The following TSPAN18 variants were observed in gnomAD, a reference collection of about 807,000 sequenced individuals.
TSPAN18 encodes the protein tetraspanin 18.
TSPAN18 carries 14 observed loss-of-function variants against 27.3 expected under a neutral mutation model. The observed-to-expected ratio is 0.51, with a 90% CI of 0.34 to 0.80. TSPAN18 has a LOEUF of 0.80. Among genes scored for constraint, TSPAN18 ranks in the 30% least tolerant of loss-of-function variants. The pLI is 0.01. For synonymous variants in TSPAN18, 143 were observed against 136.5 expected, an observed-to-expected ratio of 1.05 and a Z score of -0.33; for missense variants, 268 against 323.9, an observed-to-expected ratio of 0.83 and a Z score of 1.32.
At position 44,926,670 on chromosome 11, in the gene TSPAN18, C is replaced by A; in HGVS notation, c.616-4C>A. On this transcript the variant is annotated splice_polypyrimidine_tract_variant and splice_region_variant and intron_variant, in intron 8 of 9. Coordinates refer to ENST00000520358, the MANE Select transcript of TSPAN18 (RefSeq NM_130783.5). ...TAGCTTGACCTCTCATCCCTCCCTCCCAGGGCTGTTACACGGTGATCCTCA... is the reference window on the plus strand; with the variant it reads ...TAGCTTGACCTCTCATCCCTCCCTCACAGGGCTGTTACACGGTGATCCTCA... The A allele has an allele frequency of 6.2e-7, 1 of 1,614,070 alleles. No individual in the cohort carries two copies. Among genetic ancestry groups the A allele is most frequent in the Non-Finnish European group, 8.5e-7 (1 of 1,179,938 alleles).
intron 3 of TSPAN18, among the ~76,000 whole-genome samples, chr11:44,904,614 AAAAC>A (rs566942983): frequency 6.6e-6 from 1 of 152,218 alleles, no homozygotes; most frequent in African/African-American, 2.4e-5. Flanking sequence ...AATGCACTTA[AAAAC>A]AAACAAACAA....
intron 2 of TSPAN18, among the ~76,000 whole-genome samples, chr11:44,805,482 C>A (rs1856572309): frequency 6.6e-6 from 1 of 152,174 alleles, no homozygotes; most frequent in South Asian, 2.1e-4. Context: ...TTCCAGGAAG[C>A]CCGTGTTCCT....
At chr11:44,806,041 CTTTT>C (rs34132755) in intron 2 of TSPAN18, among the ~76,000 whole-genome samples, 1 of 134,516 alleles carries the variant, frequency 7.4e-6, no homozygotes, top group Non-Finnish European at 1.6e-5. Flanking sequence ...CTATTTTTTC[CTTTT>C]TTTTTTTTTT....
At chr11:44,763,425 G>A (rs141819706) in intron 1 of TSPAN18, among the ~76,000 whole-genome samples, 313 of 152,250 alleles carry the variant, frequency 2.1e-3, no homozygotes, top group Non-Finnish European at 3.7e-3. Flanking sequence ...CAGAAGGGAA[G>A]GGTTGGAGAG....
intron 3 of TSPAN18, among the ~76,000 whole-genome samples, chr11:44,865,853 C>G (rs746075559): frequency 1.3e-5 from 2 of 152,186 alleles, no homozygotes; most frequent in Non-Finnish European, 2.9e-5. Context: ...GGCAGCCTGG[C>G]TTCCCCAGCA....
intron 7 of TSPAN18, 24 bp from the exon 8 acceptor site, chr11:44,919,793 A>T (rs200725507): frequency 1.2e-6 from 2 of 1,612,992 alleles, no homozygotes; most frequent in Non-Finnish European, 1.7e-6. Flanking sequence ...GCCCACCAGA[A>T]CCTTCTCTGG....
intron 2 of TSPAN18, among the ~76,000 whole-genome samples, chr11:44,811,644 T>C (rs563374837): frequency 1.2e-4 from 18 of 152,020 alleles, no homozygotes; most frequent in African/African-American, 3.9e-4. Context: ...GTATTTTTGA[T>C]AGAGATAGGG....
At chr11:44,812,685 G>A (rs1000830941) in intron 2 of TSPAN18, among the ~76,000 whole-genome samples, 1 of 152,112 alleles carries the variant, frequency 6.6e-6, no homozygotes, top group Non-Finnish European at 1.5e-5. Flanking sequence ...GGGTGCCAGG[G>A]ATCATTAAGG....
chr11:44,785,877 C>G (rs1005970159), intron 2 of TSPAN18, among the ~76,000 whole-genome samples: 1 of 152,214 alleles, frequency 6.6e-6, no homozygotes, highest in African/African-American at 2.4e-5. Context: ...CACAAACTTG[C>G]TGGCAGAGGG....
intron 2 of TSPAN18, among the ~76,000 whole-genome samples, chr11:44,840,907 C>T (rs1857358885): frequency 6.6e-6 from 1 of 152,162 alleles, no homozygotes; most frequent in South Asian, 2.1e-4. Flanking sequence ...GCCTCAGTTT[C>T]CTCCTTGTCT....
At chr11:44,906,168 G>A (rs868013452) in intron 3 of TSPAN18, among the ~76,000 whole-genome samples, 1 of 152,240 alleles carries the variant, frequency 6.6e-6, no homozygotes, top group Admixed American at 6.5e-5. Flanking sequence ...TAAAGTCAGA[G>A]AGAGCAAGAC....
chr11:44,736,250 G>C (rs1230844735), intron 1 of TSPAN18: 2 of 152,174 alleles, frequency 1.3e-5, no homozygotes, highest in Non-Finnish European at 2.9e-5. Flanking sequence ...CTAAGTGTTT[G>C]CCAGTCGTGT....
intron 3 of TSPAN18, among the ~76,000 whole-genome samples, chr11:44,865,326 G>A (rs1590602216): frequency 1.3e-5 from 2 of 152,116 alleles, no homozygotes; most frequent in African/African-American, 4.8e-5. Context: ...ATAGGGCTGC[G>A]ATGAGCTTTA....
chr11:44,886,806 T>C (rs1010505235), intron 3 of TSPAN18, among the ~76,000 whole-genome samples: 5 of 152,198 alleles, frequency 3.3e-5, no homozygotes, highest in South Asian at 2.1e-4. Flanking sequence ...CATGACACTA[T>C]AGTTAGTTCA....
At chr11:44,790,378 C>CGT (rs747767788) in intron 2 of TSPAN18, among the ~76,000 whole-genome samples, 7 of 129,708 alleles carry the variant, frequency 5.4e-5, no homozygotes, top group South Asian at 2.5e-4. Flanking sequence ...TGTTTGTGTG[C>CGT]GTGTGTGTGC....
chr11:44,835,001 C>G (rs1484037631), intron 2 of TSPAN18, among the ~76,000 whole-genome samples: 3 of 152,180 alleles, frequency 2.0e-5, no homozygotes, highest in South Asian at 4.1e-4. Flanking sequence ...GAGAACTGAG[C>G]TTTCATCCTC....
chr11:44,830,969 C>T (rs1319605511), intron 2 of TSPAN18, among the ~76,000 whole-genome samples: 5 of 152,120 alleles, frequency 3.3e-5, no homozygotes, highest in Middle Eastern at 6.3e-3. Flanking sequence ...CTGTGCCGGC[C>T]GGGCACAATG....
intron 2 of TSPAN18, among the ~76,000 whole-genome samples, chr11:44,849,845 G>A (rs1392216610): frequency 6.6e-6 from 1 of 152,156 alleles, no homozygotes; most frequent in Non-Finnish European, 1.5e-5. Context: ...CCCACATAGG[G>A]CCCACAGGGT....
chr11:44,922,487 G>A (rs768583496), intron 8 of TSPAN18, among the ~76,000 whole-genome samples: 1 of 152,162 alleles, frequency 6.6e-6, no homozygotes, highest in Non-Finnish European at 1.5e-5. Context: ...TTCACTGTGG[G>A]GGTTGGGGTG....
Sources: gnomAD v4.1 joint callset for allele counts (sites outside exome capture counted in the v4.1 genomes callset) on GRCh38, gnomAD v4.1.1 for gene constraint, MANE v1.5 for transcripts, NCBI Gene and HGNC (gene_info 2026-07-23, HGNC 2026-07-21) for gene names.